Variants in SAMM50 observed in about 807,000 individuals in gnomAD.
SAMM50 encodes SAMM50 sorting and assembly machinery component.
SAMM50 carries 47 observed loss-of-function variants against 66.9 expected under a neutral mutation model. That is an observed-to-expected ratio of 0.70 (90% CI 0.56 to 0.90). SAMM50 has a LOEUF of 0.90. Ranked by LOEUF, SAMM50 falls within the 40% of genes least tolerant of loss-of-function variation. The pLI, the probability that SAMM50 is intolerant of heterozygous loss-of-function variation, is 0.00. For missense variants in SAMM50, 535 were observed against 595.3 expected (o/e 0.90, Z 1.05); for synonymous variants, 191 against 214.1 (o/e 0.89, Z 0.94).
intron 7 of SAMM50, 136 bp from the exon 8 acceptor site, chr22:43,975,919 C>G (rs940135984): frequency 2.4e-6 from 2 of 848,768 alleles, no homozygotes; most frequent in Non-Finnish European, 3.6e-6. Context: ...TCTTCTTCCC[C>G]TTCTCCCTCT....
intron 7 of SAMM50, 155 bp from the exon 8 acceptor site, chr22:43,975,900 C>T: frequency 1.4e-6 from 1 of 729,378 alleles, no homozygotes; most frequent in Non-Finnish European, 2.2e-6. Context: ...TTTTCTCTTC[C>T]CCTTCTTCTC....
rs1000492778 is a variant in SAMM50 at position 43,977,745 on chromosome 22, C to G, written c.850-127C>G. 3 of 617,762 alleles carry G rather than the reference C, an allele frequency of 4.9e-6. No individual in the cohort carries two copies. The African/African-American group carries it at 5.6e-5, about 12-fold the overall frequency. 38.3% of individuals were successfully genotyped at this position (617,762 alleles called of 1,614,324 possible). A position where few individuals can be genotyped will look rare whatever the true frequency, so the allele number is the denominator to read the frequency against. ...CAATTAGGATGTGGCTTCTAGGAGA[C>G]AGAATTTTCTGTAGCCTTTAAAAAA... On this transcript the variant is annotated intron_variant, in intron 9 of 14. Coordinates refer to ENST00000350028, the MANE Select transcript of SAMM50 (RefSeq NM_015380.5).
At position 43,990,390 on chromosome 22, in the gene SAMM50, G is replaced by GTACA; in HGVS notation, c.1349_1352dup (p.Gln451HisfsTer9). ...ACTTAATTACTGCGTCCCCATGGGAGTACAGACAGGCGACAGGTACGTGTT... is the reference window on the plus strand; with the variant it reads ...ACTTAATTACTGCGTCCCCATGGGAGTACATACAGACAGGCGACAGGTACGTGTT... On this transcript the variant is annotated frameshift_variant, in exon 14 of 15. Coordinates refer to ENST00000350028, the MANE Select transcript of SAMM50 (RefSeq NM_015380.5). LOFTEE classifies it high-confidence loss of function. 1 of 1,614,144 alleles carries GTACA rather than the reference G, an allele frequency of 6.2e-7. No individual in the cohort carries two copies. The highest frequency in any genetic ancestry group is 8.5e-7 in the Non-Finnish European group (1 of 1,179,972).
chr22:43,994,940 C>G (rs1357341628), intron 14 of SAMM50, among the ~76,000 whole-genome samples: 1 of 152,140 alleles, frequency 6.6e-6, no homozygotes, highest in South Asian at 2.1e-4. Flanking sequence ...ATGCCAAGAG[C>G]TTGACTTCCT....
At chr22:43,968,502 G>A (rs2050185962) in intron 3 of SAMM50, among the ~76,000 whole-genome samples, 1 of 152,206 alleles carries the variant, frequency 6.6e-6, no homozygotes, top group African/African-American at 2.4e-5. Context: ...GGGATTATAT[G>A]TTGCACACTC....
intron 1 of SAMM50, among the ~76,000 whole-genome samples, 158 bp downstream of exon 1, chr22:43,955,756 C>T (rs887560021): frequency 6.6e-6 from 1 of 152,310 alleles, no homozygotes; most frequent in South Asian, 2.1e-4. Context: ...GAGGTCGCCT[C>T]GGGCCAGCGA....
At chr22:43,978,777 C>T (rs1426666719) in intron 10 of SAMM50, among the ~76,000 whole-genome samples, 2 of 152,174 alleles carry the variant, frequency 1.3e-5, no homozygotes, top group Admixed American at 6.5e-5. Flanking sequence ...TCACGTCTTC[C>T]CAGCACCCAG....
Position 43,976,235 on chromosome 22 carries a change from A to G in SAMM50, c.777+52A>G, listed in dbSNP as rs1245623304. On this transcript the variant is annotated intron_variant, in intron 8 of 14. Coordinates refer to ENST00000350028, the MANE Select transcript of SAMM50 (RefSeq NM_015380.5). ...ATAATTTTGTTGATGGAACCATGCT[A>G]TGCATTGGGAAAACAGTCTTTGCCA... The G allele has an allele frequency of 4.5e-6, 7 of 1,567,880 alleles. No individual in the cohort carries two copies. In the African/African-American group the frequency reaches 8.1e-5, roughly 18 times the overall value.
intron 4 of SAMM50, 113 bp from the exon 5 acceptor site, chr22:43,972,123 G>A: frequency 1.7e-6 from 1 of 589,234 alleles, no homozygotes; most frequent in Non-Finnish European, 2.9e-6. Flanking sequence ...ATTTTCTAAA[G>A]GAGATTGTAA....
chr22:43,973,118 C>G lies in SAMM50; in HGVS notation c.560+117C>G, dbSNP rs572221889. The G allele has an allele frequency of 1.0e-5, 14 of 1,391,492 alleles. No homozygotes were observed. The South Asian group carries it at 1.7e-4, about 17-fold the overall frequency. 86.2% of individuals were successfully genotyped at this position (1,391,492 alleles called of 1,614,324 possible). On this transcript the variant is annotated intron_variant, in intron 6 of 14. Transcript: ENST00000350028. The stretch of plus-strand genomic sequence containing the variant: ...CTGCCACTTCTGCAGTGACCACATG[C>G]TGTAGATTTCCTCTTGAAGATGAGC...
chr22:43,956,391 T>A (rs531616807), intron 1 of SAMM50, among the ~76,000 whole-genome samples: 4 of 152,228 alleles, frequency 2.6e-5, no homozygotes, highest in Non-Finnish European at 5.9e-5. Context: ...AGTTCCCCAT[T>A]AACTTCCAAA....
chr22:43,962,387 T>C (rs758339238), intron 1 of SAMM50, among the ~76,000 whole-genome samples: 59 of 152,328 alleles, frequency 3.9e-4, no homozygotes, highest in Admixed American at 1.1e-3. Flanking sequence ...CTGTCTTAAC[T>C]ATATGTAGAT....
chr22:43,987,080 C>G (rs1054071005), intron 12 of SAMM50: 41 of 152,136 alleles, frequency 2.7e-4, no homozygotes, highest in African/African-American at 8.2e-4. Flanking sequence ...GAGAGCTGAG[C>G]CTTTACCTAC....
At chr22:43,959,546 T>C (rs1032724883) in intron 1 of SAMM50, among the ~76,000 whole-genome samples, 2 of 63,616 alleles carry the variant, frequency 3.1e-5, no homozygotes, top group African/African-American at 1.7e-4. Context: ...ACACACACTT[T>C]TTAATAGAAA....
chr22:43,974,337 C>T (rs755679439), intron 7 of SAMM50, among the ~76,000 whole-genome samples: 31 of 152,302 alleles, frequency 2.0e-4, no homozygotes, highest in Non-Finnish European at 1.3e-4. Flanking sequence ...TAGGGCTGTG[C>T]GACCTCAGGC....
intron 14 of SAMM50, 104 bp from the exon 15 acceptor site, chr22:43,996,234 A>G: frequency 8.2e-7 from 1 of 1,221,904 alleles, no homozygotes; most frequent in Non-Finnish European, 1.2e-6. Context: ...CAGGAGGAGG[A>G]GGAAGCGGAG....
intron 14 of SAMM50, among the ~76,000 whole-genome samples, chr22:43,994,398 C>T (rs1027339409): frequency 6.6e-6 from 1 of 152,150 alleles, no homozygotes; most frequent in Admixed American, 6.5e-5. Flanking sequence ...CGCTGAGGTC[C>T]CCATGACTAC....
chr22:43,961,266 G>T (rs1376064748), intron 1 of SAMM50, among the ~76,000 whole-genome samples: 1 of 152,102 alleles, frequency 6.6e-6, no homozygotes, highest in Admixed American at 6.5e-5. Context: ...TTGCTGATTT[G>T]TAAGAATCGC....
rs781522188 is a variant in SAMM50 at position 43,964,382 on chromosome 22, T to C, written c.133-70T>C. ...CTTGACATTAATTAAACCTTGACAT[T>C]GTCTTTAGTCTTGACACCTAATCTG... On this transcript the variant is annotated intron_variant, in intron 2 of 14. Coordinates refer to ENST00000350028, the MANE Select transcript of SAMM50 (RefSeq NM_015380.5). 170 of 721,462 alleles carry C rather than the reference T, an allele frequency of 2.4e-4. 1 individual carries two copies. The highest frequency in any genetic ancestry group is 2.2e-4 in the Non-Finnish European group (93 of 417,308). The allele number at this position is 721,462 out of a possible 1,614,324, so 44.7% of individuals were successfully genotyped here.
Sources: allele counts gnomAD v4.1 joint callset (sites outside exome capture counted in the v4.1 genomes callset), GRCh38; gene constraint gnomAD v4.1.1; transcripts MANE v1.5; gene names NCBI Gene and HGNC (gene_info 2026-07-23, HGNC 2026-07-21).